Variants in NUSAP1 observed in about 807,000 individuals in gnomAD.
NUSAP1 encodes the protein nucleolar and spindle-associated protein 1.
In NUSAP1, 32 loss-of-function variants were observed where a neutral mutation model predicts 52.8. The ratio of observed to expected loss-of-function variants is 0.61; its 90% CI spans 0.46 to 0.81. The LOEUF (loss-of-function observed/expected upper bound fraction) is 0.81, where lower values mean the gene tolerates loss of function less well. NUSAP1 is among the 40% of genes least tolerant of loss of function. The probability of loss-of-function intolerance (pLI) is 0.00; values close to 1 mark genes in which losing one functional copy is unlikely to be tolerated. For missense variants in NUSAP1, 499 were observed against 522.3 expected (o/e 0.96, Z 0.43); for synonymous variants, 195 against 183.1 (o/e 1.06, Z -0.52).
At chr15:41,334,417 A>G (rs940082668) in intron 1 of NUSAP1, among the ~76,000 whole-genome samples, 1 of 152,146 alleles carries the variant, frequency 6.6e-6, no homozygotes, top group Admixed American at 6.5e-5. Flanking sequence ...CACCCGACCT[A>G]AATTGTTTAA....
At chr15:41,369,030 G>T (rs554420519) in intron 7 of NUSAP1, among the ~76,000 whole-genome samples, 1 of 151,194 alleles carries the variant, frequency 6.6e-6, no homozygotes, top group Non-Finnish European at 1.5e-5. Context: ...GGGATTACAG[G>T]TGTGAACCAC....
intron 1 of NUSAP1, among the ~76,000 whole-genome samples, chr15:41,334,197 C>T (rs2048031937): frequency 6.6e-6 from 1 of 152,190 alleles, no homozygotes; most frequent in Non-Finnish European, 1.5e-5. Context: ...CGGCTCACCG[C>T]AACCTCCGCC....
intron 9 of NUSAP1, among the ~76,000 whole-genome samples, chr15:41,376,816 T>C (rs556085406): frequency 4.6e-5 from 7 of 152,212 alleles, no homozygotes; most frequent in African/African-American, 1.7e-4. Flanking sequence ...GGCTCATGCC[T>C]GTAATCCCAG....
intron 2 of NUSAP1, among the ~76,000 whole-genome samples, chr15:41,347,895 G>A (rs950037267): frequency 2.6e-5 from 4 of 152,036 alleles, no homozygotes; most frequent in Admixed American, 2.0e-4. Context: ...GGCCAAGGCA[G>A]GAGGATGACT....
intron 5 of NUSAP1, among the ~76,000 whole-genome samples, chr15:41,356,477 C>T (rs987504793): frequency 6.6e-6 from 1 of 151,428 alleles, no homozygotes; most frequent in South Asian, 2.1e-4. Context: ...GACTCAGCCT[C>T]CCTAGTAGCT....
chr15:41,379,203 C>G (rs964535677), intron 10 of NUSAP1, among the ~76,000 whole-genome samples: 5 of 152,060 alleles, frequency 3.3e-5, no homozygotes, highest in African/African-American at 9.7e-5. Flanking sequence ...ATCCACCCAC[C>G]TTGGCCTCCC....
At chr15:41,364,951 T>A (rs2049327653) in intron 6 of NUSAP1, among the ~76,000 whole-genome samples, 1 of 152,044 alleles carries the variant, frequency 6.6e-6, no homozygotes, top group African/African-American at 2.4e-5. Context: ...CAGCCTCAAC[T>A]GGAAATTGCT....
intron 6 of NUSAP1, among the ~76,000 whole-genome samples, chr15:41,363,606 C>T (rs759899223): frequency 2.0e-5 from 3 of 151,878 alleles, no homozygotes; most frequent in Non-Finnish European, 4.4e-5. Flanking sequence ...CTCCTAGGCT[C>T]AAGCGGTCCC....
intron 2 of NUSAP1, among the ~76,000 whole-genome samples, chr15:41,347,133 C>T (rs2048606282): frequency 6.6e-6 from 1 of 151,860 alleles, no homozygotes; most frequent in Admixed American, 6.6e-5. Context: ...GATTATAGCA[C>T]TGCACTCCAG....
intron 3 of NUSAP1, 135 bp from the exon 4 acceptor site, chr15:41,350,853 A>T (rs1229340138): frequency 3.1e-5 from 22 of 719,758 alleles, no homozygotes; most frequent in Non-Finnish European, 4.5e-5. Flanking sequence ...CAGAGAACCA[A>T]ATCTGCCACC....
In NUSAP1 at chr15:41,365,499, G is replaced by A. The variant is rs757145781; in HGVS notation, c.758G>A (p.Gly253Asp). ...CCCATCAGCCAACGACGCTCGCAAGGCCGGTCTTGTGGCCCTGCAAGTCAG... is the reference window on the plus strand; with the variant it reads ...CCCATCAGCCAACGACGCTCGCAAGACCGGTCTTGTGGCCCTGCAAGTCAG... ...STPISQRRSQ[G>D]RSCGPASQST... The change falls in exon 7 of 11, where the codon GGC becomes GAC. Residue 253 changes from glycine to aspartate, a missense_variant. Transcript: ENST00000559596. The A allele has an allele frequency of 6.2e-7, 1 of 1,612,694 alleles. No individual in the cohort carries two copies. Among genetic ancestry groups the A allele is most frequent in the African/African-American group, 1.3e-5 (1 of 74,898 alleles).
At chr15:41,359,880 A>G (rs112249965) in intron 6 of NUSAP1, among the ~76,000 whole-genome samples, 1,732 of 150,552 alleles carry the variant, frequency 0.012, 38 homozygotes, top group African/African-American at 0.04. Flanking sequence ...TGATCAACCC[A>G]CCTCCCAAAG....
intron 4 of NUSAP1, among the ~76,000 whole-genome samples, chr15:41,354,998 C>G (rs184359290): frequency 1.3e-5 from 2 of 149,278 alleles, no homozygotes; most frequent in African/African-American, 4.9e-5. Flanking sequence ...CCAGCCTGGG[C>G]GAAAGAGCGA....
chr15:41,367,129 T>C (rs1254247855), intron 7 of NUSAP1, among the ~76,000 whole-genome samples: 1 of 152,200 alleles, frequency 6.6e-6, no homozygotes, highest in Non-Finnish European at 1.5e-5. Flanking sequence ...TTGGCTGGCC[T>C]TCGGGCATGT....
At position 41,341,086 on chromosome 15, in the gene NUSAP1, G is replaced by A. The variant is rs145830004; in HGVS notation, c.94-1300G>A. On this transcript the variant is annotated intron_variant, in intron 1 of 10. Coordinates refer to ENST00000559596, the MANE Select transcript of NUSAP1 (RefSeq NM_016359.5). ...AAAACTTGACTTTTGTTTTTTAAAC[G>A]GAGTCTTGCTCTATCGCCCAGACTA... is the stretch of plus-strand genomic sequence containing the variant. 1.9e-3 allele frequency among the ~76,000 whole-genome samples: 290 copies of A among 152,206 alleles called. 1 individual carries two copies. The highest frequency in any genetic ancestry group is 6.6e-3 in the African/African-American group (274 of 41,538).
intron 1 of NUSAP1, among the ~76,000 whole-genome samples, chr15:41,336,654 T>TTGTTTTTTTTGTTTGTTTG (rs1555426231): frequency 2.8e-5 from 4 of 143,696 alleles, no homozygotes; most frequent in African/African-American, 8.0e-5. Flanking sequence ...TTTGGTTTTT[T>TTGTTTTTTTTGTTTGTTTG]TTTTTTTTTT....
At chr15:41,339,782 A>AT (rs1007816097) in intron 1 of NUSAP1, among the ~76,000 whole-genome samples, 8 of 150,246 alleles carry the variant, frequency 5.3e-5, no homozygotes, top group African/African-American at 1.7e-4. Context: ...TTTTTTTTCT[A>AT]TTTTTTTATT....
At chr15:41,354,883 G>A (rs933645133) in intron 4 of NUSAP1, among the ~76,000 whole-genome samples, 2 of 151,358 alleles carry the variant, frequency 1.3e-5, no homozygotes, top group Non-Finnish European at 2.9e-5. Context: ...AGCCGGGTGT[G>A]GGGGCGGGCG....
chr15:41,371,241 A>G (rs1371320622), intron 7 of NUSAP1, among the ~76,000 whole-genome samples: 2 of 152,210 alleles, frequency 1.3e-5, no homozygotes, highest in Non-Finnish European at 2.9e-5. Flanking sequence ...CTCTTGGACT[A>G]TAATGAGGCC....
Sources: gnomAD v4.1 joint callset for allele counts (sites outside exome capture counted in the v4.1 genomes callset) on GRCh38, gnomAD v4.1.1 for gene constraint, MANE v1.5 for transcripts, NCBI Gene and HGNC (gene_info 2026-07-23, HGNC 2026-07-21) for gene names.